LDHC: variants seen among roughly 807,000 people sequenced by gnomAD.
LDHC encodes the protein L-lactate dehydrogenase C chain.
In LDHC, 20 loss-of-function variants were observed where a neutral mutation model predicts 30.2. The ratio of observed to expected loss-of-function variants is 0.66; its 90% CI spans 0.47 to 0.96. LDHC has a LOEUF of 0.96. Among genes scored for constraint, LDHC ranks in the 40% least tolerant of loss-of-function variants. The probability of loss-of-function intolerance (pLI) is 0.00; values close to 1 mark genes in which losing one functional copy is unlikely to be tolerated. For missense variants in LDHC, 362 were observed against 394.9 expected, an observed-to-expected ratio of 0.92 and a Z score of 0.71; for synonymous variants, 139 against 132.7, an observed-to-expected ratio of 1.05 and a Z score of -0.32.
At chr11:18,450,097 G>T (rs1398080033) in intron 7 of LDHC, 1 of 151,868 alleles carries the variant, frequency 6.6e-6, no homozygotes, top group Non-Finnish European at 1.5e-5. Context: ...TAATTTTTTG[G>T]GGGTATATTG....
At chr11:18,438,209 G>A (rs1043138650) in intron 5 of LDHC, among the ~76,000 whole-genome samples, 1 of 152,192 alleles carries the variant, frequency 6.6e-6, no homozygotes, top group African/African-American at 2.4e-5. Context: ...CAAAGGAGGA[G>A]TAGATGTGTC....
At chr11:18,414,911 C>T (rs910097375) in intron 2 of LDHC, among the ~76,000 whole-genome samples, 2 of 151,054 alleles carry the variant, frequency 1.3e-5, no homozygotes, top group Non-Finnish European at 3.0e-5. Flanking sequence ...TGGTTTCAAA[C>T]TGTTATCTGA....
intron 6 of LDHC, among the ~76,000 whole-genome samples, chr11:18,442,909 C>T (rs1010807906): frequency 1.3e-5 from 2 of 151,952 alleles, no homozygotes; most frequent in Non-Finnish European, 2.9e-5. Flanking sequence ...GTGATCTGCC[C>T]GCCTCAGCCT....
At chr11:18,415,151 G>A (rs755209277) in intron 2 of LDHC, 33 bp from the exon 3 acceptor site, 1 of 1,211,714 alleles carries the variant, frequency 8.3e-7, no homozygotes, top group South Asian at 1.4e-5. Context: ...ACTTAAGTAG[G>A]AACATTTTAT....
chr11:18,413,449 ATTG>A (rs1866938793), intron 2 of LDHC, among the ~76,000 whole-genome samples: 1 of 104,368 alleles, frequency 9.6e-6, no homozygotes, highest in South Asian at 3.0e-4. Context: ...CCCAGTGTTT[ATTG>A]TTCTCTCTTT....
At chr11:18,427,186 T>C (rs1434270043) in intron 3 of LDHC, among the ~76,000 whole-genome samples, 3 of 151,786 alleles carry the variant, frequency 2.0e-5, no homozygotes, top group African/African-American at 7.3e-5. Context: ...TGAAACCCCG[T>C]CTCTACTAAA....
intron 7 of LDHC, among the ~76,000 whole-genome samples, chr11:18,448,441 G>A (rs1590237843): frequency 6.6e-6 from 1 of 151,910 alleles, no homozygotes; most frequent in Admixed American, 6.6e-5. Context: ...GTGCCACCAC[G>A]CCTGGCTATT....
intron 3 of LDHC, among the ~76,000 whole-genome samples, chr11:18,422,369 A>G (rs1317671660): frequency 2.6e-5 from 4 of 151,940 alleles, no homozygotes; most frequent in African/African-American, 9.7e-5. Context: ...AGCCTGGGCA[A>G]CATGGTGAGA....
chr11:18,438,771 A>G (rs932921856), intron 6 of LDHC, 126 bp downstream of exon 6: 3 of 519,984 alleles, frequency 5.8e-6, no homozygotes, highest in African/African-American at 3.8e-5. Flanking sequence ...CCTGAAAACC[A>G]CTAAATTCAG....
intron 7 of LDHC, among the ~76,000 whole-genome samples, chr11:18,449,781 G>C (rs12282669): frequency 6.6e-6 from 1 of 152,198 alleles, no homozygotes; most frequent in East Asian, 1.9e-4. Flanking sequence ...GTGCTCCTGA[G>C]TAGAGCCCCA....
chr11:18,445,192 A>ATTT (rs112115655), intron 6 of LDHC, among the ~76,000 whole-genome samples: 4 of 145,734 alleles, frequency 2.7e-5, no homozygotes, highest in African/African-American at 1.0e-4. Flanking sequence ...GCTAGTAACA[A>ATTT]TTTTTTTTTT....
chr11:18,447,837 G>A (rs117555693), intron 7 of LDHC, among the ~76,000 whole-genome samples: 7 of 152,120 alleles, frequency 4.6e-5, no homozygotes, highest in Admixed American at 2.6e-4. Flanking sequence ...ATCACTTGAC[G>A]TCAGGAGTTT....
chr11:18,429,702 G>T, intron 3 of LDHC, 35 bp from the exon 4 acceptor site: 1 of 1,341,470 alleles, frequency 7.5e-7, no homozygotes, highest in South Asian at 1.3e-5. Context: ...TTATGGTAAT[G>T]TTGATCCAAA....
At chr11:18,434,976 T>C in intron 5 of LDHC, 63 bp downstream of exon 5, 2 of 1,143,992 alleles carry the variant, frequency 1.7e-6, no homozygotes, top group Non-Finnish European at 2.5e-6. Flanking sequence ...GCTTATTTCC[T>C]TTAAAGTTTT....
At chr11:18,445,699 G>A (rs1227834558) in intron 6 of LDHC, among the ~76,000 whole-genome samples, 2 of 152,090 alleles carry the variant, frequency 1.3e-5, no homozygotes, top group African/African-American at 2.4e-5. Flanking sequence ...GGCTGGGCAC[G>A]GTGGCTCACA....
rs185351439 is a variant in LDHC, at chr11:18,439,863, G to A, written c.710+1218G>A. On this transcript the variant is annotated intron_variant, in intron 6 of 7. Coordinates refer to ENST00000541669, the MANE Select transcript of LDHC (RefSeq NM_017448.5). ...AAAAATTAGCCAGCTGTGGTTGTGCGTGCCTGTAATCCCAGCTACTTGGGA... is the reference window on the plus strand; with the variant it reads ...AAAAATTAGCCAGCTGTGGTTGTGCATGCCTGTAATCCCAGCTACTTGGGA... Among the ~76,000 whole-genome samples the A allele has an allele frequency of 3.9e-4, 58 of 148,838 alleles. 1 individual carries two copies. Among genetic ancestry groups the A allele is most frequent in the African/African-American group, 1.2e-3 (48 of 40,536 alleles).
rs1230975220 is a variant in LDHC at position 18,434,865 on chromosome 11, C to T, written c.544C>T (p.Pro182Ser). Residue 182 changes from proline to serine, a missense_variant, in exon 5 of 8, where the codon CCC (proline) becomes TCC (serine). Pro to Ser is a moderately conservative substitution (Grantham distance 74, BLOSUM62 -1). Coordinates refer to ENST00000541669, the MANE Select transcript of LDHC (RefSeq NM_017448.5). ...AATTGGAGAAAAGTTGGGTGTCCAC[C>T]CCACAAGCTGCCATGGTTGGATTAT... ...YLIGEKLGVHPTSCHGWIIGE... is the reference protein window; with the variant it reads ...YLIGEKLGVHSTSCHGWIIGE... 6.2e-7 allele frequency: 1 copy of T among 1,613,346 alleles called. No individual in the cohort carries two copies. The highest frequency in any genetic ancestry group is 2.2e-5 in the East Asian group (1 of 44,868).
chr11:18,449,623 G>A (rs1278460853), intron 7 of LDHC, among the ~76,000 whole-genome samples: 1 of 152,124 alleles, frequency 6.6e-6, no homozygotes, highest in Admixed American at 6.6e-5. Flanking sequence ...CCTCAGGGAT[G>A]ACACTTGGCT....
chr11:18,434,967 C>T (rs909825269), intron 5 of LDHC, 54 bp downstream of exon 5: 1 of 1,198,162 alleles, frequency 8.3e-7, no homozygotes. Context: ...TCTACTAGTG[C>T]TTATTTCCTT....
Sources: gnomAD v4.1 joint callset for allele counts (sites outside exome capture counted in the v4.1 genomes callset) on GRCh38, gnomAD v4.1.1 for gene constraint, MANE v1.5 for transcripts, NCBI Gene and HGNC (gene_info 2026-07-23, HGNC 2026-07-21) for gene names.